Variants in TP53BP1 observed in about 807,000 individuals in gnomAD.
The protein encoded by TP53BP1 is tumor protein p53 binding protein 1.
In TP53BP1, 61 loss-of-function variants were observed where a neutral mutation model predicts 200.8. The ratio of observed to expected loss-of-function variants is 0.30; its 90% CI spans 0.25 to 0.38. TP53BP1 has a LOEUF of 0.38. TP53BP1 is among the 10% of genes least tolerant of loss of function. The pLI, the probability that TP53BP1 is intolerant of heterozygous loss-of-function variation, is 1.00. For missense variants in TP53BP1, 2,144 were observed against 2,371.9 expected, an observed-to-expected ratio of 0.90 and a Z score of 2.00; for synonymous variants, 822 against 844.3, an observed-to-expected ratio of 0.97 and a Z score of 0.46.
intron 16 of TP53BP1, among the ~76,000 whole-genome samples, chr15:43,437,078 G>C (rs1246395833): frequency 6.6e-6 from 1 of 152,074 alleles, no homozygotes; most frequent in African/African-American, 2.4e-5. Context: ...AGGATTGCTT[G>C]AGCCTAGGAA....
At chr15:43,492,947 C>T in intron 1 of TP53BP1, 90 bp downstream of exon 1, 2 of 1,471,406 alleles carry the variant, frequency 1.4e-6, no homozygotes, top group Non-Finnish European at 1.8e-6. Flanking sequence ...GCCATGCTTG[C>T]CACCCCGCCC....
chr15:43,480,044 G>C (rs1212560815), intron 5 of TP53BP1, 27 bp from the exon 6 acceptor site: 1 of 1,608,742 alleles, frequency 6.2e-7, no homozygotes, highest in Non-Finnish European at 8.5e-7. Flanking sequence ...AAGAAATTAG[G>C]TATCATCCCA....
intron 18 of TP53BP1, among the ~76,000 whole-genome samples, chr15:43,427,614 G>A (rs2045572989): frequency 6.6e-6 from 1 of 152,164 alleles, no homozygotes; most frequent in South Asian, 2.1e-4. Context: ...ACAAAGTGTT[G>A]CACAGGAAAG....
intron 24 of TP53BP1, 67 bp from the exon 25 acceptor site, chr15:43,409,808 CCTT>C (rs1595517908): frequency 2.7e-6 from 2 of 730,944 alleles, no homozygotes; most frequent in South Asian, 2.1e-5. Flanking sequence ...CCTTATGCCT[CCTT>C]CTTACTGCCC....
At chr15:43,430,498 T>C (rs1456868043) in intron 17 of TP53BP1, among the ~76,000 whole-genome samples, 2 of 152,302 alleles carry the variant, frequency 1.3e-5, no homozygotes, top group East Asian at 3.9e-4. Context: ...GTTCAATAAA[T>C]AAGAACTGTA....
rs1008570297 is a variant in TP53BP1, at chr15:43,404,658, T to C, written c.*2725A>G. 1 of 1,233,280 alleles carries C rather than the reference T, an allele frequency of 8.1e-7. No individual in the cohort carries two copies. Among genetic ancestry groups the C allele is most frequent in the African/African-American group, 1.5e-5 (1 of 65,834 alleles). The allele number at this position is 1,233,280 out of a possible 1,614,324, so 76.4% of individuals were successfully genotyped here. ...GACTTTAGTCCAAATACCCTCATTTTATAAGTAAGGCTTAGAGATAGAGGT... is the reference window on the plus strand; with the variant it reads ...GACTTTAGTCCAAATACCCTCATTTCATAAGTAAGGCTTAGAGATAGAGGT... On this transcript the variant is annotated 3_prime_UTR_variant, in exon 28 of 28. Transcript: ENST00000382044.
chr15:43,503,034 T>TGAGC (rs10631928), intron 1 of TP53BP1, among the ~76,000 whole-genome samples: 42,657 of 152,026 alleles, frequency 0.28, 10,098 homozygotes, highest in African/African-American at 0.65. Context: ...ATTACATGCG[T>TGAGC]GAGCCACCTT....
At chr15:43,447,078 A>G (rs1289166379) in intron 13 of TP53BP1, 1 of 463,190 alleles carries the variant, frequency 2.2e-6, no homozygotes, top group South Asian at 2.0e-5. Flanking sequence ...AAACATCTCT[A>G]CATCACTACT....
intron 18 of TP53BP1, among the ~76,000 whole-genome samples, chr15:43,425,592 C>A (rs948561467): frequency 2.6e-4 from 40 of 152,116 alleles, no homozygotes; most frequent in African/African-American, 9.4e-4. Flanking sequence ...TGCACTCCAG[C>A]CTGGGCAAAA....
chr15:43,452,395 GTC>G (rs2046191463), intron 12 of TP53BP1, among the ~76,000 whole-genome samples: 1 of 151,940 alleles, frequency 6.6e-6, no homozygotes. Flanking sequence ...GCAAAACCCT[GTC>G]TCTACAAAAA....
At chr15:43,409,320 T>C in intron 25 of TP53BP1, 1 of 590,862 alleles carries the variant, frequency 1.7e-6, no homozygotes, top group Non-Finnish European at 3.0e-6. Context: ...ACCTAAATCC[T>C]CAACGGACAA....
rs767661349 is a variant in TP53BP1, at chr15:43,446,434, C to G, written c.2993G>C (p.Ser998Thr). 1 of 1,614,214 alleles carries G rather than the reference C, an allele frequency of 6.2e-7. No homozygotes were observed. Among genetic ancestry groups the G allele is most frequent in the Non-Finnish European group, 8.5e-7 (1 of 1,180,038 alleles). ...CTCTTCACTCGCCTCAGTCTCAGGA[C>G]TAACCAGTTTCATTCTTAGACATAA... ...DKLCLRMKLV[S>T]PETEASEESL... Residue 998 changes from serine to threonine, a missense_variant, in exon 14 of 28, where the codon AGT becomes ACT. This residue lies in a region of TP53BP1 where 1,700 missense variants were observed against 1,710.3 expected (regional missense o/e 0.99). Transcript: ENST00000382044.
intron 10 of TP53BP1, among the ~76,000 whole-genome samples, chr15:43,473,491 T>C (rs938535764): frequency 1.6e-4 from 25 of 152,102 alleles, no homozygotes; most frequent in African/African-American, 3.6e-4. Context: ...AGAGTGTCCA[T>C]TGGTACATTC....
chr15:43,410,514 G>A (rs2045082967), intron 24 of TP53BP1, among the ~76,000 whole-genome samples: 1 of 151,022 alleles, frequency 6.6e-6, no homozygotes, highest in Admixed American at 6.6e-5. Flanking sequence ...ATTTGAGCTT[G>A]TTTTCTTGTC....
intron 10 of TP53BP1, 43 bp from the exon 11 acceptor site, chr15:43,470,109 C>T (rs746561485): frequency 2.5e-5 from 37 of 1,465,910 alleles, no homozygotes; most frequent in Non-Finnish European, 3.5e-5. Context: ...TATCACTCAT[C>T]AATATTACTC....
chr15:43,408,870 A>C (rs747104703), intron 26 of TP53BP1, 27 bp downstream of exon 26: 14 of 1,612,190 alleles, frequency 8.7e-6, no homozygotes, highest in Middle Eastern at 1.7e-4. Context: ...CTGCCTATAC[A>C]ATTCTGGATG....
Position 43,421,960 on chromosome 15 carries a change from C to A in TP53BP1, c.3995G>T (p.Ser1332Ile). The A allele has an allele frequency of 6.2e-7, 1 of 1,614,204 alleles. No individual in the cohort carries two copies. Among genetic ancestry groups the A allele is most frequent in the Middle Eastern group, 1.6e-4 (1 of 6,062 alleles). Residue 1332 changes from serine (S) to isoleucine (I), a missense_variant, in exon 19 of 28, where the codon AGT becomes ATT. This residue lies in a region of TP53BP1 where 1,700 missense variants were observed against 1,710.3 expected (regional missense o/e 0.99). Transcript: ENST00000382044. ...TCCGGCTCCTTTCCCTGAGCTTCCA[C>A]TGCTGTGCATAGCTGAGAGACTTGT... is the stretch of plus-strand genomic sequence containing the variant. ...SGTSLSAMHS[S>I]GSSGKGAGPL... is the part of the protein sequence containing the mutation.
At position 43,406,557 on chromosome 15, in the gene TP53BP1, A is replaced by T. The variant is rs564748503; in HGVS notation, c.*826T>A. The T allele has an allele frequency of 7.2e-5, 33 of 455,762 alleles. No individual in the cohort carries two copies. In the East Asian group the frequency reaches 2.3e-3, roughly 32 times the overall value. The allele number at this position is 455,762 out of a possible 1,614,324, so 28.2% of individuals were successfully genotyped here. On this transcript the variant is annotated 3_prime_UTR_variant, in exon 28 of 28. Coordinates refer to ENST00000382044, the MANE Select transcript of TP53BP1 (RefSeq NM_001141980.3). The stretch of plus-strand genomic sequence containing the variant: ...AAGGCGAGTAGTTGTGATGGATCAA[A>T]TGGCCCACAAAGCCTGAAATATTTA...
In TP53BP1 at chr15:43,415,735, T is replaced by C; in HGVS notation, c.4948A>G (p.Ser1650Gly). The change falls in exon 23 of 28, where the codon AGC (serine) becomes GGC (glycine). Residue 1650 changes from serine (S) to glycine (G), a missense_variant. By Grantham distance (56) the Ser-to-Gly change is moderately conservative. Coordinates refer to ENST00000382044, the MANE Select transcript of TP53BP1 (RefSeq NM_001141980.3). ...ATCTTTCGGGTAGGGGTTGTGCTGC[T>C]GCTACTGGAGGCAGTAGGGGTGGCT... ...SPATPTASSS[S>G]STTPTRKITE... 2 of 1,614,178 alleles carry C rather than the reference T, an allele frequency of 1.2e-6. No individual in the cohort carries two copies.
Sources: gnomAD v4.1 joint callset for allele counts (sites outside exome capture counted in the v4.1 genomes callset) on GRCh38, gnomAD v4.1.1 for gene constraint, gnomAD v4.1.1 regional missense constraint, MANE v1.5 for transcripts, NCBI Gene and HGNC (gene_info 2026-07-23, HGNC 2026-07-21) for gene names.